Variants in CSMD1 observed in about 807,000 individuals in gnomAD.
CSMD1 encodes CUB and sushi domain-containing protein 1.
In CSMD1, 213 loss-of-function variants were observed where a neutral mutation model predicts 417.5. That is an observed-to-expected ratio of 0.51 (90% CI 0.46 to 0.57). CSMD1 has a LOEUF of 0.57. CSMD1 is among the 20% of genes least tolerant of loss of function. The probability of loss-of-function intolerance (pLI) is 0.00; values close to 1 mark genes in which losing one functional copy is unlikely to be tolerated. For synonymous variants in CSMD1, 2,862 were observed against 1,736.8 expected (o/e 1.65, Z -16.11); for missense variants, 6,923 against 4,529.7 (o/e 1.53, Z -15.17).
chr8:4,965,423 A>G (rs969201756), intron 1 of CSMD1, among the ~76,000 whole-genome samples: 4 of 152,170 alleles, frequency 2.6e-5, no homozygotes, highest in Admixed American at 6.5e-5. Flanking sequence ...TTATTTTTCA[A>G]TTTTATAGAT....
chr8:4,526,915 C>T (rs563932765), intron 2 of CSMD1, among the ~76,000 whole-genome samples: 80 of 152,164 alleles, frequency 5.3e-4, no homozygotes, highest in Middle Eastern at 3.4e-3. Flanking sequence ...AACATGACTT[C>T]GTCAAGGTTA....
chr8:3,768,365 C>T (rs957263509), intron 5 of CSMD1, among the ~76,000 whole-genome samples: 4 of 152,156 alleles, frequency 2.6e-5, no homozygotes, highest in Admixed American at 2.6e-4. Flanking sequence ...TTGGGAAATT[C>T]CAAACACCCA....
chr8:3,093,333 T>A (rs956263955), intron 47 of CSMD1, among the ~76,000 whole-genome samples: 4 of 152,132 alleles, frequency 2.6e-5, no homozygotes, highest in African/African-American at 9.7e-5. Flanking sequence ...TTCTGACCCC[T>A]TCCGCTTAAA....
At chr8:4,403,280 ACT>A (rs1804775361) in intron 3 of CSMD1, among the ~76,000 whole-genome samples, 1 of 152,010 alleles carries the variant, frequency 6.6e-6, no homozygotes, top group Non-Finnish European at 1.5e-5. Flanking sequence ...AATGAACATA[ACT>A]CTTCTCTTCA....
intron 3 of CSMD1, among the ~76,000 whole-genome samples, chr8:4,049,838 T>C (rs1039793424): frequency 6.6e-6 from 1 of 152,198 alleles, no homozygotes; most frequent in East Asian, 1.9e-4. Context: ...GTGACCAATA[T>C]TGGCATATTC....
chr8:3,279,132 A>C (rs2117204862), intron 26 of CSMD1: 1 of 152,308 alleles, frequency 6.6e-6, no homozygotes, highest in South Asian at 2.1e-4. Context: ...TGGGGTGGTC[A>C]GACCAGCGTC....
chr8:4,964,527 G>A (rs1177559713), intron 1 of CSMD1, among the ~76,000 whole-genome samples: 131 of 84,772 alleles, frequency 1.5e-3, no homozygotes, highest in South Asian at 3.7e-3. Flanking sequence ...AAAAAAAAAG[G>A]AAGGAAGGAA....
intron 8 of CSMD1, among the ~76,000 whole-genome samples, chr8:3,599,149 G>GAC (rs1801235662): frequency 6.8e-6 from 1 of 146,408 alleles, no homozygotes; most frequent in African/African-American, 2.7e-5. Context: ...GTGTGTGTGT[G>GAC]TCTGTGTGTG....
rs538321214 is a variant in CSMD1 at position 4,242,265 on chromosome 8, T to G, written c.415+177688A>C. On this transcript the variant is annotated intron_variant, in intron 3 of 69. Transcript: ENST00000635120. Reference sequence around the variant, plus strand: ...CAATCTTTATAAACATCATCTTCTGTGAATGCTTTACAGTGAAGGGCAGAC... The same window carrying G: ...CAATCTTTATAAACATCATCTTCTGGGAATGCTTTACAGTGAAGGGCAGAC... Among the ~76,000 whole-genome samples, 120 of 152,280 alleles carry G rather than the reference T, an allele frequency of 7.9e-4. 4 individuals are homozygous for G. In the South Asian group the frequency reaches 0.024, roughly 30 times the overall value.
intron 3 of CSMD1, among the ~76,000 whole-genome samples, chr8:4,252,718 G>A (rs921809660): frequency 2.6e-5 from 4 of 152,200 alleles, no homozygotes; most frequent in Admixed American, 1.3e-4. Flanking sequence ...GGTTGTATTG[G>A]TTGTACAGGA....
chr8:4,468,797 A>T (rs938650200), intron 2 of CSMD1, among the ~76,000 whole-genome samples: 1 of 152,220 alleles, frequency 6.6e-6, no homozygotes, highest in Non-Finnish European at 1.5e-5. Flanking sequence ...CATATAATGG[A>T]TAATCAATAA....
intron 12 of CSMD1, among the ~76,000 whole-genome samples, chr8:3,458,022 A>T (rs1001070146): frequency 2.6e-5 from 4 of 152,232 alleles, no homozygotes; most frequent in African/African-American, 9.6e-5. Context: ...AAATATCATT[A>T]TCAGAACTTT....
At chr8:4,081,300 C>G (rs1357282504) in intron 3 of CSMD1, among the ~76,000 whole-genome samples, 7 of 152,180 alleles carry the variant, frequency 4.6e-5, no homozygotes, top group African/African-American at 1.4e-4. Flanking sequence ...AGCAGGTAAG[C>G]TCTATGGTCC....
At chr8:3,427,533 T>G (rs1025994244) in intron 12 of CSMD1, among the ~76,000 whole-genome samples, 1 of 152,160 alleles carries the variant, frequency 6.6e-6, no homozygotes, top group Admixed American at 6.5e-5. Context: ...AAAAAGAACC[T>G]TCTTCATCAA....
At chr8:4,341,232 A>G (rs139108458) in intron 3 of CSMD1, among the ~76,000 whole-genome samples, 14 of 152,234 alleles carry the variant, frequency 9.2e-5, no homozygotes, top group African/African-American at 3.1e-4. Flanking sequence ...TAGCAATTAC[A>G]TAACTGTTTT....
intron 1 of CSMD1, among the ~76,000 whole-genome samples, chr8:4,807,572 G>A (rs1798662919): frequency 6.6e-6 from 1 of 152,100 alleles, no homozygotes; most frequent in Non-Finnish European, 1.5e-5. Context: ...CCTGAGCTTT[G>A]GAATGGGTTG....
chr8:4,860,897 G>C (rs1454322424), intron 1 of CSMD1, among the ~76,000 whole-genome samples: 3 of 152,028 alleles, frequency 2.0e-5, no homozygotes. Flanking sequence ...ACCTTCCTCT[G>C]ACTCTACATA....
At chr8:4,077,451 A>G (rs1457225378) in intron 3 of CSMD1, among the ~76,000 whole-genome samples, 1 of 151,698 alleles carries the variant, frequency 6.6e-6, no homozygotes, top group African/African-American at 2.4e-5. Flanking sequence ...TATCCTATAC[A>G]TATCATTACT....
At chr8:3,546,391 C>G (rs1414223253) in intron 10 of CSMD1, among the ~76,000 whole-genome samples, 1 of 151,946 alleles carries the variant, frequency 6.6e-6, no homozygotes. Context: ...AAAAAATTAG[C>G]TGGGTTTGGT....
Sources: allele counts gnomAD v4.1 joint callset (sites outside exome capture counted in the v4.1 genomes callset), GRCh38; gene constraint gnomAD v4.1.1; transcripts MANE v1.5; gene names NCBI Gene and HGNC (gene_info 2026-07-23, HGNC 2026-07-21).